The following TERF1 variants were observed in gnomAD, a reference collection of about 807,000 sequenced individuals.
TERF1 encodes the protein telomeric repeat binding factor 1, also known as telomeric repeat-binding factor 1.
A neutral mutation model predicts 55.1 loss-of-function variants in TERF1; 20 were observed. The observed-to-expected ratio is 0.36, with a 90% CI of 0.26 to 0.53. The LOEUF (loss-of-function observed/expected upper bound fraction) is 0.53. Among genes scored for constraint, TERF1 ranks in the 20% least tolerant of loss-of-function variants. The pLI, the probability that TERF1 is intolerant of heterozygous loss-of-function variation, is 0.91. For missense variants in TERF1, 439 were observed against 535.7 expected, an observed-to-expected ratio of 0.82 and a Z score of 1.78; for synonymous variants, 168 against 181.2, an observed-to-expected ratio of 0.93 and a Z score of 0.59.
intron 8 of TERF1, among the ~76,000 whole-genome samples, chr8:73,035,335 A>T (rs905290233): frequency 3.3e-5 from 5 of 151,966 alleles, no homozygotes; most frequent in African/African-American, 1.2e-4. Context: ...TTACTGACCT[A>T]TGAGGGAAGT....
At chr8:73,009,352 T>C (rs1808180841) in intron 1 of TERF1, 147 bp downstream of exon 1, 1 of 728,074 alleles carries the variant, frequency 1.4e-6, no homozygotes, top group Non-Finnish European at 2.2e-6. Flanking sequence ...GGCTGAACTT[T>C]GTTCGAATCC....
At chr8:73,042,168 TTATACA>T (rs1809858255) in intron 9 of TERF1, among the ~76,000 whole-genome samples, 1 of 152,186 alleles carries the variant, frequency 6.6e-6, no homozygotes, top group Admixed American at 6.5e-5. Flanking sequence ...AGTCTCTGTC[TTATACA>T]TATAACTGAT....
At chr8:73,037,060 A>G (rs1271863697) in intron 8 of TERF1, among the ~76,000 whole-genome samples, 1 of 137,116 alleles carries the variant, frequency 7.3e-6, no homozygotes, top group East Asian at 2.0e-4. Context: ...ATATAATTAT[A>G]ATATATATAA....
intron 2 of TERF1, 131 bp downstream of exon 2, chr8:73,014,121 G>A (rs1808393084): frequency 1.1e-5 from 4 of 350,890 alleles, no homozygotes; most frequent in Non-Finnish European, 2.2e-5. Context: ...TGGGGGGGTG[G>A]TGTGTGTGTG....
At chr8:73,036,599 C>G (rs1477352068) in intron 8 of TERF1, among the ~76,000 whole-genome samples, 3 of 151,700 alleles carry the variant, frequency 2.0e-5, no homozygotes, top group Non-Finnish European at 4.4e-5. Flanking sequence ...ACCCATCCCC[C>G]CGCCCCCACA....
intron 9 of TERF1, among the ~76,000 whole-genome samples, chr8:73,040,651 T>G (rs890082999): frequency 1.8e-4 from 28 of 152,188 alleles, no homozygotes; most frequent in Non-Finnish European, 1.5e-4. Flanking sequence ...CTGTCTTTAG[T>G]TTTGGAAAAT....
intron 6 of TERF1, among the ~76,000 whole-genome samples, chr8:73,029,562 G>A (rs141616357): frequency 2.5e-4 from 35 of 137,330 alleles, no homozygotes; most frequent in Non-Finnish European, 5.3e-4. Flanking sequence ...AGTAAGCTGT[G>A]TTTGTGCCAC....
chr8:73,047,013 T>C lies in TERF1; in HGVS notation c.*876T>C, dbSNP rs1035731052. 1.2e-4 allele frequency: 19 copies of C among 152,180 alleles called. No individual in the cohort carries two copies. The highest frequency in any genetic ancestry group is 3.6e-4 in the African/African-American group (15 of 41,522). The allele number at this position is 152,180 out of a possible 1,614,324, so 9.4% of individuals were successfully genotyped here. ...AATACCTGAGTACCCATGGGAATAATAGACACTGGGGAGGTAGGGTGGGGA... is the reference window on the plus strand; with the variant it reads ...AATACCTGAGTACCCATGGGAATAACAGACACTGGGGAGGTAGGGTGGGGA... On this transcript the variant is annotated 3_prime_UTR_variant, in exon 10 of 10. Coordinates refer to ENST00000276603, the MANE Select transcript of TERF1 (RefSeq NM_017489.3).
chr8:73,014,556 A>G (rs1411510544), intron 2 of TERF1, among the ~76,000 whole-genome samples: 2 of 152,196 alleles, frequency 1.3e-5, no homozygotes, highest in Non-Finnish European at 2.9e-5. Context: ...TTAGATTGTA[A>G]TGGGCAAGGC....
At chr8:73,032,206 C>A (rs1281461656) in intron 8 of TERF1, 73 bp downstream of exon 8, 19 of 1,068,026 alleles carry the variant, frequency 1.8e-5, no homozygotes, top group Middle Eastern at 4.1e-4. Context: ...TTGACTTTAC[C>A]ACTATAGCAA....
intron 7 of TERF1, chr8:73,030,780 T>A (rs1809249786): frequency 6.3e-6 from 1 of 158,292 alleles, no homozygotes; most frequent in African/African-American, 2.4e-5. Context: ...TGAAAAACTT[T>A]ATTTGATCTA....
intron 8 of TERF1, among the ~76,000 whole-genome samples, chr8:73,036,291 GA>G (rs1389881769): frequency 1.3e-5 from 2 of 152,190 alleles, no homozygotes; most frequent in Non-Finnish European, 2.9e-5. Context: ...ACTGGCTATA[GA>G]AAATGCACTA....
At chr8:73,036,251 G>A (rs566768353) in intron 8 of TERF1, among the ~76,000 whole-genome samples, 2 of 152,298 alleles carry the variant, frequency 1.3e-5, no homozygotes, top group East Asian at 3.9e-4. Flanking sequence ...TCATGTTGTG[G>A]TTTCCTTGAC....
At chr8:73,037,791 T>C (rs1191780706) in intron 8 of TERF1, among the ~76,000 whole-genome samples, 1 of 49,294 alleles carries the variant, frequency 2.0e-5, no homozygotes, top group Non-Finnish European at 4.3e-5. Context: ...ATATATAATA[T>C]ATAGTATAAT....
chr8:73,012,915 C>A (rs1808343257), intron 1 of TERF1: 1 of 456,162 alleles, frequency 2.2e-6, no homozygotes. Flanking sequence ...CTAACACAGG[C>A]TGGCAGTAGA....
intron 3 of TERF1, among the ~76,000 whole-genome samples, chr8:73,021,366 GA>G (rs1389782439): frequency 6.6e-6 from 1 of 150,936 alleles, no homozygotes; most frequent in African/African-American, 2.4e-5. Context: ...AGGACCTGAG[GA>G]AAAGAAAATA....
At chr8:73,024,785 G>T in intron 4 of TERF1, 37 bp from the exon 5 acceptor site, 1 of 1,435,532 alleles carries the variant, frequency 7.0e-7, no homozygotes, top group Non-Finnish European at 9.4e-7. Context: ...GTAACTTTGT[G>T]TGATTTATGT....
rs562730902 is a variant in TERF1, at chr8:73,023,056, T to C, written c.624+754T>C. Among the ~76,000 whole-genome samples the C allele has an allele frequency of 3.8e-4, 51 of 135,652 alleles. No individual in the cohort carries two copies. The South Asian group carries it at 8.0e-3, about 21-fold the overall frequency. 89.0% of individuals were successfully genotyped at this position (135,652 alleles called of 152,430 possible). On this transcript the variant is annotated intron_variant, in intron 4 of 9. Transcript: ENST00000276603. ...ACACAATGTAAATAGTTGTACTGTT[T>C]AGGAACAAAAAGATACAAAAAATCT...
In TERF1 at chr8:73,031,427, C is replaced by T. The variant is rs533695445; in HGVS notation, c.948-615C>T. On this transcript the variant is annotated intron_variant, in intron 7 of 9. Coordinates refer to ENST00000276603, the MANE Select transcript of TERF1 (RefSeq NM_017489.3). Reference sequence around the variant, plus strand: ...AGTATCTATAGGGATAAAAGTATAGCTAAAATAACCTACATTTTAGGTGGA... The same window carrying T: ...AGTATCTATAGGGATAAAAGTATAGTTAAAATAACCTACATTTTAGGTGGA... 2.6e-5 allele frequency: 4 copies of T among 152,242 alleles called. No individual in the cohort carries two copies. The South Asian group carries it at 8.3e-4, about 32-fold the overall frequency. 9.4% of individuals were successfully genotyped at this position (152,242 alleles called of 1,614,324 possible). A position where few individuals can be genotyped will look rare whatever the true frequency, so the allele number is the denominator to read the frequency against.
Sources: allele counts gnomAD v4.1 joint callset (sites outside exome capture counted in the v4.1 genomes callset), GRCh38; gene constraint gnomAD v4.1.1; transcripts MANE v1.5; gene names NCBI Gene and HGNC (gene_info 2026-07-23, HGNC 2026-07-21).